Variants in CBLB observed in about 807,000 individuals in gnomAD.
The protein encoded by CBLB is Cbl proto-oncogene B.
A neutral mutation model predicts 104.9 loss-of-function variants in CBLB; 31 were observed. The observed-to-expected ratio is 0.30, with a 90% CI of 0.22 to 0.40. The LOEUF is 0.40. Among genes scored for constraint, CBLB ranks in the 10% least tolerant of loss-of-function variants. The probability of loss-of-function intolerance (pLI) is 1.00; values close to 1 mark genes in which losing one functional copy is unlikely to be tolerated. For synonymous variants in CBLB, 440 were observed against 422.6 expected, an observed-to-expected ratio of 1.04 and a Z score of -0.51; for missense variants, 1,062 against 1,214.6, an observed-to-expected ratio of 0.87 and a Z score of 1.87.
chr3:105,658,801 T>C lies in CBLB; in HGVS notation c.*169A>G. On this transcript the variant is annotated 3_prime_UTR_variant, in exon 19 of 19. Coordinates refer to ENST00000394030, the MANE Select transcript of CBLB (RefSeq NM_170662.5). ...AACAAGGAAGCCACAGCTGTCGACA[T>C]CCTGAGCAAGCATCGGTCTCCTTTG... is the stretch of plus-strand genomic sequence containing the variant. 7.2e-6 allele frequency: 5 copies of C among 692,328 alleles called. No homozygotes were observed. The highest frequency in any genetic ancestry group is 1.2e-5 in the Non-Finnish European group (5 of 407,920). 42.9% of individuals were successfully genotyped at this position (692,328 alleles called of 1,614,324 possible). A position where few individuals can be genotyped will look rare whatever the true frequency, so the allele number is the denominator to read the frequency against.
At chr3:105,676,441 A>AG (rs2065653582) in intron 17 of CBLB, among the ~76,000 whole-genome samples, 1 of 152,302 alleles carries the variant, frequency 6.6e-6, no homozygotes, top group African/African-American at 2.4e-5. Flanking sequence ...GCTCTTGGAA[A>AG]GCTTGACTTT....
chr3:105,743,004 A>T (rs1162977343), intron 6 of CBLB, among the ~76,000 whole-genome samples: 3 of 152,236 alleles, frequency 2.0e-5, no homozygotes, highest in Non-Finnish European at 2.9e-5. Flanking sequence ...ATCTGGTAAG[A>T]GCCAAGGGCA....
At chr3:105,669,419 C>T (rs62263056) in intron 18 of CBLB, among the ~76,000 whole-genome samples, 8,220 of 152,200 alleles carry the variant, frequency 0.054, 406 homozygotes, top group Admixed American at 0.14. Context: ...ATGTTGGTAG[C>T]TTGATCTTGG....
At chr3:105,801,215 A>T (rs2082826186) in intron 3 of CBLB, among the ~76,000 whole-genome samples, 1 of 152,212 alleles carries the variant, frequency 6.6e-6, no homozygotes, top group Non-Finnish European at 1.5e-5. Flanking sequence ...CATAAAAAGC[A>T]GCAGCAGCCA....
At chr3:105,814,174 A>G (rs1273391789) in intron 3 of CBLB, among the ~76,000 whole-genome samples, 1 of 152,188 alleles carries the variant, frequency 6.6e-6, no homozygotes, top group Non-Finnish European at 1.5e-5. Context: ...ATAGAATTTC[A>G]GAAAGAATTA....
intron 3 of CBLB, among the ~76,000 whole-genome samples, chr3:105,805,683 G>A (rs956111735): frequency 1.4e-4 from 21 of 151,966 alleles, no homozygotes; most frequent in African/African-American, 3.4e-4. Flanking sequence ...CATGTCTTAC[G>A]GCTTCAGGCT....
At position 105,752,503 on chromosome 3, in the gene CBLB, C is replaced by T. The variant is rs1257867133; in HGVS notation, c.567-885G>A. Reference sequence around the variant, plus strand: ...GAAAGAAATCATTCAGTTTTTAAAACTTAAACTACAATTTTTACAACAGAA... The same window carrying T: ...GAAAGAAATCATTCAGTTTTTAAAATTTAAACTACAATTTTTACAACAGAA... On this transcript the variant is annotated intron_variant, in intron 4 of 18. Coordinates refer to ENST00000394030, the MANE Select transcript of CBLB (RefSeq NM_170662.5). Among the ~76,000 whole-genome samples, 3 of 152,270 alleles carry T rather than the reference C, an allele frequency of 2.0e-5. No individual in the cohort carries two copies. The East Asian group carries it at 5.8e-4, about 29-fold the overall frequency.
At chr3:105,859,031 C>G (rs2091873646) in intron 2 of CBLB, among the ~76,000 whole-genome samples, 1 of 152,166 alleles carries the variant, frequency 6.6e-6, no homozygotes, top group East Asian at 1.9e-4. Context: ...TTTACTAATG[C>G]TATAAGAATT....
At chr3:105,688,515 T>C (rs916757725) in intron 13 of CBLB, among the ~76,000 whole-genome samples, 1 of 152,060 alleles carries the variant, frequency 6.6e-6, no homozygotes, top group Non-Finnish European at 1.5e-5. Context: ...AGTAAGCTTG[T>C]TTTCTACATA....
intron 3 of CBLB, among the ~76,000 whole-genome samples, chr3:105,841,396 C>T (rs1181590752): frequency 1.3e-5 from 2 of 151,396 alleles, no homozygotes; most frequent in East Asian, 1.9e-4. Context: ...TTCTAATATA[C>T]ATATTAGATA....
At chr3:105,849,030 C>T (rs1477644491) in intron 3 of CBLB, among the ~76,000 whole-genome samples, 7 of 151,974 alleles carry the variant, frequency 4.6e-5, no homozygotes, top group Non-Finnish European at 1.0e-4. Flanking sequence ...CAGAATGAGG[C>T]CACTCTGTAA....
rs377366289 is a variant in CBLB at position 105,758,725 on chromosome 3, C to T, written c.567-7107G>A. 1.8e-3 allele frequency among the ~76,000 whole-genome samples: 278 copies of T among 152,348 alleles called. 2 individuals carry two copies. The highest frequency in any genetic ancestry group is 5.3e-3 in the African/African-American group (219 of 41,578). Reference sequence around the variant, plus strand: ...CAGCTCCAGGCACCAGCACAGGCACCGGCTCTGGGCAAGCCAGTGGCTGGA... The same window carrying T: ...CAGCTCCAGGCACCAGCACAGGCACTGGCTCTGGGCAAGCCAGTGGCTGGA... On this transcript the variant is annotated intron_variant, in intron 4 of 18. Coordinates refer to ENST00000394030, the MANE Select transcript of CBLB (RefSeq NM_170662.5).
intron 6 of CBLB, among the ~76,000 whole-genome samples, chr3:105,744,311 C>A (rs75437821): frequency 1.3e-5 from 2 of 152,052 alleles, no homozygotes; most frequent in African/African-American, 4.8e-5. Context: ...TCACATCATA[C>A]GCCAAGAGCA....
At chr3:105,749,653 GA>G in intron 5 of CBLB, 1 of 185,868 alleles carries the variant, frequency 5.4e-6, no homozygotes, top group Non-Finnish European at 1.2e-5. Context: ...TTTAATGTAG[GA>G]AGATTACTTT....
intron 12 of CBLB, 82 bp downstream of exon 12, chr3:105,702,012 A>C (rs1049303477): frequency 2.7e-5 from 42 of 1,530,512 alleles, no homozygotes; most frequent in African/African-American, 2.3e-4. Context: ...GCAAAAAAAA[A>C]CACTTCCCAA....
intron 3 of CBLB, among the ~76,000 whole-genome samples, chr3:105,828,224 C>T (rs964461837): frequency 6.6e-6 from 1 of 152,202 alleles, no homozygotes; most frequent in African/African-American, 2.4e-5. Context: ...GCACAGCTCA[C>T]TTCTACTCAC....
At chr3:105,779,272 T>C (rs914234684) in intron 3 of CBLB, among the ~76,000 whole-genome samples, 8 of 152,186 alleles carry the variant, frequency 5.3e-5, no homozygotes, top group Non-Finnish European at 8.8e-5. Flanking sequence ...AAAAGAAACA[T>C]AGTAACATTT....
intron 10 of CBLB, among the ~76,000 whole-genome samples, chr3:105,704,896 C>T (rs2069840695): frequency 6.6e-6 from 1 of 152,018 alleles, no homozygotes; most frequent in South Asian, 2.1e-4. Flanking sequence ...CGTAACACTT[C>T]CTATTGCATA....
At chr3:105,861,352 G>A (rs1230209239) in intron 2 of CBLB, among the ~76,000 whole-genome samples, 4 of 152,034 alleles carry the variant, frequency 2.6e-5, no homozygotes, top group Non-Finnish European at 4.4e-5. Flanking sequence ...CATATTTCAT[G>A]ATATAAAAAT....
Sources: allele counts gnomAD v4.1 joint callset (sites outside exome capture counted in the v4.1 genomes callset), GRCh38; gene constraint gnomAD v4.1.1; transcripts MANE v1.5; gene names NCBI Gene and HGNC (gene_info 2026-07-23, HGNC 2026-07-21).